Variants in SWT1 observed in about 807,000 individuals in gnomAD.
SWT1 encodes the protein transcriptional protein SWT1.
A neutral mutation model predicts 107.3 loss-of-function variants in SWT1; 33 were observed. That is an observed-to-expected ratio of 0.31 (90% CI 0.23 to 0.41). The LOEUF (loss-of-function observed/expected upper bound fraction) is 0.41. Ranked by LOEUF, SWT1 falls within the 10% of genes least tolerant of loss-of-function variation. The probability of loss-of-function intolerance (pLI) is 1.00; values close to 1 mark genes in which losing one functional copy is unlikely to be tolerated. For synonymous variants in SWT1, 345 were observed against 348.3 expected (o/e 0.99, Z 0.11); for missense variants, 898 against 1,028.9 (o/e 0.87, Z 1.74).
chr1:185,257,001 A>G (rs1234196923), intron 16 of SWT1, among the ~76,000 whole-genome samples: 1 of 152,056 alleles, frequency 6.6e-6, no homozygotes, highest in Non-Finnish European at 1.5e-5. Flanking sequence ...CTTCTAACAG[A>G]CAGGACCCTC....
At chr1:185,276,725 C>A in intron 18 of SWT1, 57 bp downstream of exon 18, 1 of 930,964 alleles carries the variant, frequency 1.1e-6, no homozygotes, top group Non-Finnish European at 1.6e-6. Context: ...CCATATACAG[C>A]AGCACTTGGT....
intron 18 of SWT1, among the ~76,000 whole-genome samples, chr1:185,289,430 C>A (rs1665126176): frequency 6.6e-6 from 1 of 152,156 alleles, no homozygotes. Context: ...CTCTGAAGGA[C>A]CTCTCTTAGT....
chr1:185,260,090 A>G (rs555450878), intron 16 of SWT1, among the ~76,000 whole-genome samples: 1 of 152,286 alleles, frequency 6.6e-6, no homozygotes, highest in South Asian at 2.1e-4. Context: ...GGAAAGGAAA[A>G]CAATGGTTAT....
intron 16 of SWT1, among the ~76,000 whole-genome samples, chr1:185,260,434 C>T (rs1662940704): frequency 6.6e-6 from 1 of 152,128 alleles, no homozygotes; most frequent in South Asian, 2.1e-4. Flanking sequence ...GTTCATAAGA[C>T]TAGCATCACA....
chr1:185,240,883 G>T (rs755962044), intron 16 of SWT1, among the ~76,000 whole-genome samples: 1 of 151,874 alleles, frequency 6.6e-6, no homozygotes, highest in Non-Finnish European at 1.5e-5. Context: ...CCATTTTAAC[G>T]TAAGAACAGA....
Position 185,174,375 on chromosome 1 carries a change from G to T in SWT1, c.228G>T (p.Leu76Phe). 2.0e-6 allele frequency: 3 copies of T among 1,537,274 alleles called. No homozygotes were observed. The highest frequency in any genetic ancestry group is 2.6e-6 in the Non-Finnish European group (3 of 1,150,010). Residue 76 changes from leucine (L) to phenylalanine (F), a missense_variant, in exon 5 of 19, where the codon TTG (leucine) becomes TTT (phenylalanine). Physicochemically the swap from Leu to Phe is conservative, Grantham distance 22. Around this residue, in one of 6 missense-constraint regions of SWT1, gnomAD observed 382 missense variants for 362.4 expected, o/e 1.05. Coordinates refer to ENST00000367500, the MANE Select transcript of SWT1 (RefSeq NM_017673.7). ...AGGTTTCTGTGCTGTTTTACAGATT[G>T]AGTGTAGAAATTGACACTCTCAGAA... is the stretch of plus-strand genomic sequence containing the variant. ...NIKRRQGLKR[L>F]SVEIDTLRRR...
intron 5 of SWT1, chr1:185,176,453 A>C (rs1375752751): frequency 8.0e-6 from 4 of 500,800 alleles, no homozygotes; most frequent in Non-Finnish European, 1.0e-5. Context: ...GCAGGGATCT[A>C]GGCTAGAAAG....
intron 9 of SWT1, among the ~76,000 whole-genome samples, chr1:185,187,207 G>T (rs1401889876): frequency 6.6e-6 from 1 of 151,066 alleles, no homozygotes; most frequent in African/African-American, 2.4e-5. Context: ...TTACAGGTGT[G>T]AGCCACCATA....
At chr1:185,190,500 C>G (rs766360766) in intron 9 of SWT1, 49 bp from the exon 10 acceptor site, 69 of 1,028,898 alleles carry the variant, frequency 6.7e-5, no homozygotes, top group Non-Finnish European at 9.3e-5. Flanking sequence ...TTCTGTGTCA[C>G]CCACATTTCT....
chr1:185,190,965 T>C (rs1373597980), intron 10 of SWT1, among the ~76,000 whole-genome samples: 1 of 152,216 alleles, frequency 6.6e-6, no homozygotes, highest in Non-Finnish European at 1.5e-5. Flanking sequence ...TTTATTTACT[T>C]ACATATTGGT....
intron 16 of SWT1, among the ~76,000 whole-genome samples, chr1:185,250,961 C>A (rs1269569520): frequency 1.3e-5 from 2 of 152,148 alleles, no homozygotes; most frequent in Non-Finnish European, 2.9e-5. Flanking sequence ...CTGCACCCGG[C>A]CTGGAAATAT....
intron 6 of SWT1, among the ~76,000 whole-genome samples, chr1:185,181,352 T>G (rs933088336): frequency 1.2e-4 from 19 of 152,242 alleles, no homozygotes; most frequent in Non-Finnish European, 2.9e-5. Flanking sequence ...GAGGTGCTCC[T>G]TGATAGAAGA....
chr1:185,184,849 A>T lies in SWT1; in HGVS notation c.1347A>T (p.Ala449=). 1 of 1,565,410 alleles carries T rather than the reference A, an allele frequency of 6.4e-7. No individual in the cohort carries two copies. Among genetic ancestry groups the T allele is most frequent in the Non-Finnish European group, 8.6e-7 (1 of 1,161,086 alleles). ...GTGCCCAGCACAAAGCTATACCTGCAGTTCATTTCATCAACGACAGTCTCA... is the reference window on the plus strand; with the variant it reads ...GTGCCCAGCACAAAGCTATACCTGCTGTTCATTTCATCAACGACAGTCTCA... ...LKRAQHKAIP[A]VHFINDSLKN... is the part of the protein sequence containing the mutation. The change falls in exon 9 of 19, where the codon GCA becomes GCT. Residue 449 remains alanine, a synonymous_variant. Coordinates refer to ENST00000367500, the MANE Select transcript of SWT1 (RefSeq NM_017673.7).
At chr1:185,216,676 G>A (rs1262425903) in intron 14 of SWT1, among the ~76,000 whole-genome samples, 1 of 152,138 alleles carries the variant, frequency 6.6e-6, no homozygotes, top group Non-Finnish European at 1.5e-5. Flanking sequence ...ACTTGACTGG[G>A]CATGGTGGTT....
At chr1:185,168,695 T>C (rs1205215134) in intron 4 of SWT1, among the ~76,000 whole-genome samples, 3 of 152,294 alleles carry the variant, frequency 2.0e-5, no homozygotes, top group Middle Eastern at 3.4e-3. Flanking sequence ...TTACATACAC[T>C]AGTGAAGTAA....
chr1:185,264,543 C>T (rs1663243230), intron 16 of SWT1: 1 of 711,780 alleles, frequency 1.4e-6, no homozygotes, highest in African/African-American at 1.9e-5. Flanking sequence ...AGTATGTTAC[C>T]TATGTTAACT....
chr1:185,236,357 G>A (rs1197288129), intron 16 of SWT1, among the ~76,000 whole-genome samples: 5 of 152,138 alleles, frequency 3.3e-5, no homozygotes, highest in Non-Finnish European at 5.9e-5. Context: ...CATGGTACTG[G>A]TACCAAAACA....
At chr1:185,227,431 C>G (rs968750749) in intron 15 of SWT1, 1 of 643,498 alleles carries the variant, frequency 1.6e-6, no homozygotes. Context: ...TTCAGGCCAG[C>G]CTTCATACCA....
chr1:185,234,933 C>T (rs949174566), intron 16 of SWT1, among the ~76,000 whole-genome samples: 3 of 152,172 alleles, frequency 2.0e-5, no homozygotes, highest in African/African-American at 7.2e-5. Context: ...CTTATAAACA[C>T]CTCTATGCAA....
Sources: allele counts gnomAD v4.1 joint callset (sites outside exome capture counted in the v4.1 genomes callset), GRCh38; gene constraint gnomAD v4.1.1; regional missense constraint gnomAD v4.1.1; transcripts MANE v1.5; gene names NCBI Gene and HGNC (gene_info 2026-07-23, HGNC 2026-07-21).